Variants in KIR2DL4 observed in about 807,000 individuals in gnomAD.
KIR2DL4 encodes killer cell immunoglobulin like receptor, two Ig domains and long cytoplasmic tail 4.
KIR2DL4 carries 41 observed loss-of-function variants against 31.0 expected under a neutral mutation model. That is an observed-to-expected ratio of 1.32 (90% CI 1.03 to 1.72). KIR2DL4 has a LOEUF of 1.72. Among genes scored for constraint, KIR2DL4 ranks in the 40% most tolerant of loss-of-function variants. The pLI, the probability that KIR2DL4 is intolerant of heterozygous loss-of-function variation, is 0.00. For synonymous variants in KIR2DL4, 164 were observed against 133.6 expected (o/e 1.23, Z -1.57); for missense variants, 438 against 353.7 (o/e 1.24, Z -1.91).
chr19:54,808,080 T>C lies in KIR2DL4; in HGVS notation c.656-753T>C. Among the ~76,000 whole-genome samples, 3 of 151,148 alleles carry C rather than the reference T, an allele frequency of 2.0e-5. No individual in the cohort carries two copies. In the South Asian group the frequency reaches 6.4e-4, roughly 32 times the overall value. On this transcript the variant is annotated intron_variant, in intron 4 of 7. Coordinates refer to ENST00000359085, the Ensembl canonical transcript of KIR2DL4. ...TATTGAGGTGTTTGAGCTTCTTTTA[T>C]ATTCTAGTTATTAATCCCATCTCAG...
intron 6 of KIR2DL4, 133 bp from the exon 6 acceptor site, chr19:54,813,557 T>C: frequency 2.2e-6 from 2 of 907,126 alleles, no homozygotes; most frequent in Non-Finnish European, 3.5e-6. Context: ...AGAGATGGAA[T>C]GTCTGAGTCT....
chr19:54,804,562 C>A (rs1418518512), intron 2 of KIR2DL4, among the ~76,000 whole-genome samples: 1 of 151,126 alleles, frequency 6.6e-6, no homozygotes, highest in Non-Finnish European at 1.5e-5. Context: ...ACTAATCTTG[C>A]AGTATTAAAA....
chr19:54,813,039 G>A, intron 5 of KIR2DL4: 1 of 1,076,190 alleles, frequency 9.3e-7, no homozygotes, highest in Non-Finnish European at 1.3e-6. Flanking sequence ...GTTTTATGTG[G>A]TTGCCTGGCA....
At chr19:54,813,566 C>T (rs1486254468) in intron 6 of KIR2DL4, 124 bp from the exon 6 acceptor site, 3 of 976,220 alleles carry the variant, frequency 3.1e-6, no homozygotes, top group Non-Finnish European at 4.8e-6. Context: ...ATGTCTGAGT[C>T]TGGCTGTTGG....
At chr19:54,806,080 A>T in exon 4 of KIR2DL4, 2 of 1,612,130 alleles carry the variant, frequency 1.2e-6, no homozygotes, top group East Asian at 4.5e-5. Context: ...GGGGAAGCCC[A>T]TGAACTTAGG....
At chr19:54,805,075 C>T in exon 3 of KIR2DL4, 2 of 1,601,106 alleles carry the variant, frequency 1.2e-6, no homozygotes, top group Admixed American at 1.7e-5. Context: ...ATCATGGTCA[C>T]AGGTCAGAGG....
chr19:54,811,519 C>T (rs2060867663), intron 5 of KIR2DL4, among the ~76,000 whole-genome samples: 1 of 150,956 alleles, frequency 6.6e-6, no homozygotes. Context: ...TTATCCTATC[C>T]GTAAGAAAAT....
intron 5 of KIR2DL4, among the ~76,000 whole-genome samples, chr19:54,812,212 G>A (rs2060904669): frequency 6.6e-6 from 1 of 151,224 alleles, no homozygotes; most frequent in East Asian, 1.9e-4. Context: ...ACATTACATA[G>A]GCAGGTTCAT....
At chr19:54,809,544 C>G (rs1182568410) in intron 5 of KIR2DL4, among the ~76,000 whole-genome samples, 2 of 151,426 alleles carry the variant, frequency 1.3e-5, no homozygotes, top group East Asian at 1.9e-4. Flanking sequence ...ATCAAGGTGA[C>G]AGCAAGGCTG....
chr19:54,814,118 G>A (rs539322264), exon 8 of KIR2DL4: 13 of 1,608,576 alleles, frequency 8.1e-6, no homozygotes, highest in Non-Finnish European at 1.0e-5. Context: ...CTGAAGGCGT[G>A]AGTCTCCATC....
chr19:54,809,127 T>C (rs917613411), intron 5 of KIR2DL4, among the ~76,000 whole-genome samples: 8 of 151,206 alleles, frequency 5.3e-5, no homozygotes, highest in African/African-American at 2.0e-4. Flanking sequence ...AAATCAGACA[T>C]TCTTCTCAGG....
At chr19:54,811,787 T>A (rs1360424842) in intron 5 of KIR2DL4, among the ~76,000 whole-genome samples, 1 of 151,222 alleles carries the variant, frequency 6.6e-6, no homozygotes, top group Non-Finnish European at 1.5e-5. Context: ...TATCTCCTGG[T>A]CACCTTTTGG....
At chr19:54,805,054 A>G (rs2060428004) in exon 3 of KIR2DL4, 5 of 1,606,686 alleles carry the variant, frequency 3.1e-6, no homozygotes, top group East Asian at 2.2e-5. Flanking sequence ...GCACCCAGCA[A>G]CCCCCTGGTG....
At position 54,805,040 on chromosome 19, in the gene KIR2DL4, GTC is replaced by G; in HGVS notation, c.325_326del (p.Ser109GlyfsTer15). 1 of 1,610,142 alleles carries G rather than the reference GTC, an allele frequency of 6.2e-7. No individual in the cohort carries two copies. Among genetic ancestry groups the G allele is most frequent in the South Asian group, 1.1e-5 (1 of 90,566 alleles). On this transcript the variant is annotated frameshift_variant, in exon 3 of 8. Coordinates refer to ENST00000359085, the Ensembl canonical transcript of KIR2DL4. LOFTEE classifies it high-confidence loss of function. ...TTCACCCGCACTCCCCCACTGAGTG[GTC>G]GGCACCCAGCAACCCCCTGGTGATC... is the stretch of plus-strand genomic sequence containing the variant.
At chr19:54,813,034 A>T (rs1569399067) in intron 5 of KIR2DL4, 4 of 992,134 alleles carry the variant, frequency 4.0e-6, no homozygotes. Context: ...GAGGTGTTTT[A>T]TGTGGTTGCC....
In KIR2DL4 at chr19:54,813,683, C is replaced by T; in HGVS notation, c.811-7C>T. On this transcript the variant is annotated splice_polypyrimidine_tract_variant and splice_region_variant and intron_variant, in intron 6 of 7. Transcript: ENST00000359085. The stretch of plus-strand genomic sequence containing the variant: ...CCAGCTGTTTTGATTGCTTCCGTCT[C>T]CTACAGATGCTGCTGTAATGAACCA... The T allele has an allele frequency of 6.2e-7, 1 of 1,611,710 alleles. No individual in the cohort carries two copies. Among genetic ancestry groups the T allele is most frequent in the South Asian group, 1.1e-5 (1 of 90,612 alleles).
chr19:54,805,031 C>A, exon 3 of KIR2DL4: 5 of 1,611,068 alleles, frequency 3.1e-6, no homozygotes, highest in Non-Finnish European at 4.2e-6. Flanking sequence ...CGCACTCCCC[C>A]ACTGAGTGGT....
At chr19:54,807,337 T>C (rs1480158798) in intron 4 of KIR2DL4, among the ~76,000 whole-genome samples, 4 of 151,448 alleles carry the variant, frequency 2.6e-5, no homozygotes, top group Non-Finnish European at 5.9e-5. Flanking sequence ...GTCATGGGAG[T>C]GCAGATGTCA....
At chr19:54,808,545 C>T (rs35603706) in intron 4 of KIR2DL4, among the ~76,000 whole-genome samples, 47,201 of 144,656 alleles carry the variant, frequency 0.33, 9,076 homozygotes, top group African/African-American at 0.5. Context: ...TCATTCTGCT[C>T]CATTGTTTTA....
Sources: gnomAD v4.1 joint callset for allele counts (sites outside exome capture counted in the v4.1 genomes callset) on GRCh38, gnomAD v4.1.1 for gene constraint, MANE v1.5 for transcripts, NCBI Gene and HGNC (gene_info 2026-07-23, HGNC 2026-07-21) for gene names.